JCAD: variants seen among roughly 807,000 people sequenced by gnomAD.
JCAD encodes the protein junctional cadherin 5-associated protein.
In JCAD, 40 loss-of-function variants were observed where a neutral mutation model predicts 98.0. The observed-to-expected ratio is 0.41, with a 90% CI of 0.32 to 0.53. The LOEUF (loss-of-function observed/expected upper bound fraction) is 0.53. JCAD is among the 20% of genes least tolerant of loss of function. The pLI, the probability that JCAD is intolerant of heterozygous loss-of-function variation, is 0.31. For synonymous variants in JCAD, 691 were observed against 682.3 expected, an observed-to-expected ratio of 1.01 and a Z score of -0.20; for missense variants, 1,705 against 1,738.1, an observed-to-expected ratio of 0.98 and a Z score of 0.34.
chr10:30,095,664 G>C (rs1306497889), intron 1 of JCAD, among the ~76,000 whole-genome samples: 1 of 152,206 alleles, frequency 6.6e-6, no homozygotes, highest in African/African-American at 2.4e-5. Flanking sequence ...TCCCAGTCCT[G>C]ATCACAAGCT....
intron 1 of JCAD, among the ~76,000 whole-genome samples, chr10:30,095,666 T>C (rs1417343706): frequency 6.6e-6 from 1 of 152,254 alleles, no homozygotes; most frequent in African/African-American, 2.4e-5. Flanking sequence ...CCAGTCCTGA[T>C]CACAAGCTCC....
intron 1 of JCAD, among the ~76,000 whole-genome samples, chr10:30,093,544 T>C (rs948332960): frequency 6.6e-6 from 1 of 152,234 alleles, no homozygotes; most frequent in African/African-American, 2.4e-5. Context: ...GCTCGCTGCA[T>C]TAATGATGAG....
At chr10:30,039,957 G>C (rs1437577378) in intron 2 of JCAD, among the ~76,000 whole-genome samples, 6 of 152,204 alleles carry the variant, frequency 3.9e-5, no homozygotes, top group Non-Finnish European at 8.8e-5. Flanking sequence ...CACAGTGCCT[G>C]ACACATAAGA....
chr10:30,047,460 A>C, intron 2 of JCAD, 72 bp downstream of exon 2: 2 of 1,507,590 alleles, frequency 1.3e-6, no homozygotes, highest in Non-Finnish European at 8.9e-7. Context: ...GATTTGAAAG[A>C]GTTTACCTAC....
At chr10:30,082,868 A>AC (rs1838109225) in intron 1 of JCAD, among the ~76,000 whole-genome samples, 1 of 148,762 alleles carries the variant, frequency 6.7e-6, no homozygotes, top group African/African-American at 2.5e-5. Context: ...AAAAAAAAAA[A>AC]AAAAAAAAAC....
At chr10:30,018,616 C>T (rs1425148379) in intron 3 of JCAD, among the ~76,000 whole-genome samples, 1 of 152,122 alleles carries the variant, frequency 6.6e-6, no homozygotes, top group African/African-American at 2.4e-5. Flanking sequence ...TAAAACGGGA[C>T]ACCATACAAA....
intron 1 of JCAD, among the ~76,000 whole-genome samples, chr10:30,058,838 G>T (rs1837636560): frequency 6.6e-6 from 1 of 152,136 alleles, no homozygotes; most frequent in Non-Finnish European, 1.5e-5. Flanking sequence ...GCCAGGAGCC[G>T]GGCGGCCCCG....
At chr10:30,079,081 G>A (rs763805020) in intron 1 of JCAD, among the ~76,000 whole-genome samples, 6 of 152,180 alleles carry the variant, frequency 3.9e-5, no homozygotes, top group Non-Finnish European at 8.8e-5. Context: ...CTAGAAATCT[G>A]GCTGAACTTG....
rs570949336 is a variant in JCAD, at chr10:30,113,979, G to T, written n.128+1388C>A. Among the ~76,000 whole-genome samples, 7 of 152,272 alleles carry T rather than the reference G, an allele frequency of 4.6e-5. No homozygotes were observed. The East Asian group carries it at 1.3e-3, about 29-fold the overall frequency. ...CCAGCCTCAGCCTCGTAAAGGTTGGGTGCATTAAAGATTTGAGCATTGTGT... is the reference window on the plus strand; with the variant it reads ...CCAGCCTCAGCCTCGTAAAGGTTGGTTGCATTAAAGATTTGAGCATTGTGT... On this transcript the variant is annotated intron_variant and non_coding_transcript_variant, in intron 1 of 2. Coordinates refer to the JCAD transcript ENST00000465712.
At chr10:30,091,094 C>T (rs12268061) in intron 1 of JCAD, among the ~76,000 whole-genome samples, 4,079 of 152,244 alleles carry the variant, frequency 0.027, 154 homozygotes, top group African/African-American at 0.085. Context: ...TAAAGACAAC[C>T]GACTGGTACG....
chr10:30,033,744 C>T (rs1179000297), intron 2 of JCAD, among the ~76,000 whole-genome samples: 1 of 152,204 alleles, frequency 6.6e-6, no homozygotes, highest in East Asian at 1.9e-4. Flanking sequence ...GCCACCAGTT[C>T]TATGCAGCAA....
chr10:30,028,382 G>C lies in JCAD; in HGVS notation c.1766C>G (p.Ser589Ter), dbSNP rs778917546. 3.1e-6 allele frequency: 5 copies of C among 1,614,194 alleles called. No homozygotes were observed. Among genetic ancestry groups the C allele is most frequent in the Non-Finnish European group, 3.4e-6 (4 of 1,180,040 alleles). The change falls in exon 3 of 4, where the codon TCA becomes TGA. Residue 589 changes from serine (S) to a stop codon, truncating the protein, a stop_gained. Transcript: ENST00000375377. LOFTEE classifies it high-confidence loss of function. ...IFCLVSIPVK[S>*]ESHLPDRDMD... ...ATCTCTATCTGGCAGATGTGATTCT[G>C]ATTTCACTGGGATAGAAACCAAGCA...
In JCAD at chr10:30,028,757, G is replaced by T; in HGVS notation, c.1391C>A (p.Ala464Asp). 3 of 1,614,234 alleles carry T rather than the reference G, an allele frequency of 1.9e-6. No individual in the cohort carries two copies. The highest frequency in any genetic ancestry group is 2.5e-6 in the Non-Finnish European group (3 of 1,180,044). ...ACCATCAGGCTGCATTCCTCCATGA[G>T]CCGGCTCTTGAGCAGTGACAGGACT... ...NSSPVTAQEP[A>D]HGGMQPDGAI... Residue 464 changes from alanine (A) to aspartate (D), a missense_variant, in exon 3 of 4, where the codon GCT (alanine) becomes GAT (aspartate). Physicochemically the swap from Ala to Asp is moderately radical, Grantham distance 126 (BLOSUM62 -2). Around this residue, in one of 3 missense-constraint regions of JCAD, gnomAD observed 1,278 missense variants for 1,243.1 expected, o/e 1.03. Coordinates refer to ENST00000375377, the MANE Select transcript of JCAD (RefSeq NM_020848.4).
intron 1 of JCAD, among the ~76,000 whole-genome samples, chr10:30,092,472 C>G (rs1315884301): frequency 6.6e-6 from 1 of 152,040 alleles, no homozygotes; most frequent in Non-Finnish European, 1.5e-5. Flanking sequence ...CCAAGCCCTC[C>G]GAACAGAAGC....
intron 1 of JCAD, among the ~76,000 whole-genome samples, chr10:30,084,711 A>T (rs537297322): frequency 2.6e-5 from 4 of 152,094 alleles, no homozygotes; most frequent in Non-Finnish European, 5.9e-5. Context: ...AGGATTCTCA[A>T]CTCACGCTGA....
chr10:30,051,416 T>C (rs1837469807), intron 1 of JCAD, among the ~76,000 whole-genome samples: 1 of 152,224 alleles, frequency 6.6e-6, no homozygotes, highest in Admixed American at 6.5e-5. Context: ...AATTGCCTTG[T>C]GACCTTAACA....
At chr10:30,022,392 C>T (rs1238942772) in intron 3 of JCAD, among the ~76,000 whole-genome samples, 1 of 143,602 alleles carries the variant, frequency 7.0e-6, no homozygotes, top group East Asian at 2.0e-4. Context: ...GGCAGCAGTG[C>T]AGTGGGGAAG....
At chr10:30,022,573 G>T (rs1836684690) in intron 3 of JCAD, among the ~76,000 whole-genome samples, 1 of 152,176 alleles carries the variant, frequency 6.6e-6, no homozygotes, top group South Asian at 2.1e-4. Flanking sequence ...GACCTCAGTT[G>T]CTCTCAAGAC....
chr10:30,077,238 G>A (rs1447564148), intron 1 of JCAD, among the ~76,000 whole-genome samples: 1 of 152,130 alleles, frequency 6.6e-6, no homozygotes, highest in East Asian at 1.9e-4. Context: ...GCAAGGAATT[G>A]AGCAAATAGA....
Sources: gnomAD v4.1 joint callset for allele counts (sites outside exome capture counted in the v4.1 genomes callset) on GRCh38, gnomAD v4.1.1 for gene constraint, gnomAD v4.1.1 regional missense constraint, MANE v1.5 for transcripts, NCBI Gene and HGNC (gene_info 2026-07-23, HGNC 2026-07-21) for gene names.